RABGAP1L: variants seen among roughly 807,000 people sequenced by gnomAD.
RABGAP1L encodes rab GTPase-activating protein 1-like.
RABGAP1L carries 63 observed loss-of-function variants against 137.7 expected under a neutral mutation model. The observed-to-expected ratio is 0.46, with a 90% CI of 0.37 to 0.56. The LOEUF (loss-of-function observed/expected upper bound fraction) is 0.56. RABGAP1L is among the 20% of genes least tolerant of loss of function. The probability of loss-of-function intolerance (pLI) is 0.00; values close to 1 mark genes in which losing one functional copy is unlikely to be tolerated. For synonymous variants in RABGAP1L, 431 were observed against 433.7 expected, an observed-to-expected ratio of 0.99 and a Z score of 0.08; for missense variants, 1,095 against 1,244.0, an observed-to-expected ratio of 0.88 and a Z score of 1.80.
chr1:174,351,922 CT>C (rs1439685179), intron 11 of RABGAP1L, among the ~76,000 whole-genome samples: 1 of 152,170 alleles, frequency 6.6e-6, no homozygotes, highest in East Asian at 1.9e-4. Context: ...TTGCCTCAGC[CT>C]CCCAGGTAGC....
rs538693973 is a variant in RABGAP1L at position 174,348,456 on chromosome 1, A to AT, written c.1466-22515dup. On this transcript the variant is annotated intron_variant, in intron 11 of 25. Coordinates refer to ENST00000681986, the MANE Select transcript of RABGAP1L (RefSeq NM_001366446.1). ...CTATTTATTTTTTATTTATTTATTT[A>AT]TTTTTTTTAATTTATTTTTTTATTG... 5.4e-4 allele frequency among the ~76,000 whole-genome samples: 80 copies of AT among 148,188 alleles called. No homozygotes were observed. The East Asian group carries it at 7.2e-3, about 13-fold the overall frequency.
intron 11 of RABGAP1L, among the ~76,000 whole-genome samples, chr1:174,332,633 T>A (rs1205670211): frequency 6.6e-6 from 1 of 152,090 alleles, no homozygotes; most frequent in East Asian, 1.9e-4. Flanking sequence ...TGACCTCAAG[T>A]GATTCACCCT....
At chr1:174,688,797 A>G (rs1439729743) in intron 15 of RABGAP1L, among the ~76,000 whole-genome samples, 1 of 152,192 alleles carries the variant, frequency 6.6e-6, no homozygotes, top group Non-Finnish European at 1.5e-5. Context: ...TAAATGAATC[A>G]TATAAACATA....
chr1:174,464,989 C>G (rs1340407541), intron 13 of RABGAP1L, among the ~76,000 whole-genome samples: 3 of 151,916 alleles, frequency 2.0e-5, no homozygotes, highest in African/African-American at 7.3e-5. Flanking sequence ...AATTAATGAG[C>G]CCCAAAATCT....
At chr1:174,325,604 C>G (rs1680368517) in intron 11 of RABGAP1L, among the ~76,000 whole-genome samples, 1 of 152,148 alleles carries the variant, frequency 6.6e-6, no homozygotes, top group African/African-American at 2.4e-5. Flanking sequence ...TTCTCCTGGA[C>G]TCATGGTTTC....
At chr1:174,579,475 G>A (rs184662348) in intron 13 of RABGAP1L, among the ~76,000 whole-genome samples, 7 of 152,202 alleles carry the variant, frequency 4.6e-5, no homozygotes, top group East Asian at 1.9e-4. Flanking sequence ...GCACTTGTAC[G>A]TCCGCATCCA....
chr1:174,913,644 G>A (rs546862488), intron 19 of RABGAP1L, among the ~76,000 whole-genome samples: 14 of 152,202 alleles, frequency 9.2e-5, no homozygotes, highest in African/African-American at 2.2e-4. Flanking sequence ...TGCCATGGTC[G>A]TATTTTAAAT....
At chr1:174,387,890 T>A (rs1390196352) in intron 12 of RABGAP1L, among the ~76,000 whole-genome samples, 1 of 152,156 alleles carries the variant, frequency 6.6e-6, no homozygotes, top group Non-Finnish European at 1.5e-5. Context: ...ATTCAAATTT[T>A]TTTTATTTGG....
chr1:174,359,194 C>T (rs1346760092), intron 11 of RABGAP1L, among the ~76,000 whole-genome samples: 2 of 151,674 alleles, frequency 1.3e-5, no homozygotes, highest in Non-Finnish European at 2.9e-5. Flanking sequence ...TCATGTTCTA[C>T]TTGCAAGCCT....
chr1:174,520,795 G>A (rs1663292479), intron 13 of RABGAP1L, among the ~76,000 whole-genome samples: 2 of 152,146 alleles, frequency 1.3e-5, no homozygotes. Context: ...GAGGTCAGGA[G>A]ATTGAGACCA....
At chr1:174,628,289 C>T (rs1036452338) in intron 13 of RABGAP1L, among the ~76,000 whole-genome samples, 4 of 152,080 alleles carry the variant, frequency 2.6e-5, no homozygotes, top group African/African-American at 9.7e-5. Context: ...TGTTGTAAAT[C>T]TCTAAAGGAA....
intron 19 of RABGAP1L, among the ~76,000 whole-genome samples, chr1:174,889,128 C>CTT (rs34006510): frequency 1.2e-4 from 18 of 144,546 alleles, no homozygotes; most frequent in South Asian, 6.5e-4. Context: ...TTAATTTTAA[C>CTT]TTTTTTTTTT....
intron 13 of RABGAP1L, among the ~76,000 whole-genome samples, chr1:174,517,624 C>G (rs1662984521): frequency 6.6e-6 from 1 of 152,170 alleles, no homozygotes; most frequent in Non-Finnish European, 1.5e-5. Flanking sequence ...AAAAAATCAA[C>G]TATAGCTATT....
intron 13 of RABGAP1L, among the ~76,000 whole-genome samples, chr1:174,555,516 C>A (rs1666815848): frequency 6.6e-6 from 1 of 150,948 alleles, no homozygotes; most frequent in Non-Finnish European, 1.5e-5. Flanking sequence ...TATTATGTAA[C>A]AAGAAAAATG....
intron 19 of RABGAP1L, among the ~76,000 whole-genome samples, chr1:174,900,518 G>A (rs917645792): frequency 1.3e-5 from 2 of 152,156 alleles, no homozygotes; most frequent in African/African-American, 4.8e-5. Flanking sequence ...GGATGAAGTG[G>A]AGTTGCAAAG....
intron 19 of RABGAP1L, among the ~76,000 whole-genome samples, chr1:174,910,104 A>T (rs1659816489): frequency 6.6e-6 from 1 of 152,158 alleles, no homozygotes; most frequent in African/African-American, 2.4e-5. Context: ...TCGCGACTGC[A>T]CTCCAACCTG....
At chr1:174,612,501 A>G (rs551993415) in intron 13 of RABGAP1L, among the ~76,000 whole-genome samples, 1 of 152,324 alleles carries the variant, frequency 6.6e-6, no homozygotes, top group Admixed American at 6.5e-5. Flanking sequence ...CACCAAGGAT[A>G]TTGGTCTAAA....
intron 17 of RABGAP1L, among the ~76,000 whole-genome samples, chr1:174,726,640 T>TAAC (rs939642565): frequency 5.3e-5 from 8 of 152,184 alleles, no homozygotes; most frequent in Non-Finnish European, 1.2e-4. Flanking sequence ...AGTCATTTTC[T>TAAC]AAGAGATAGA....
At chr1:174,189,259 C>T (rs1009934701) in intron 1 of RABGAP1L, among the ~76,000 whole-genome samples, 3 of 152,132 alleles carry the variant, frequency 2.0e-5, no homozygotes, top group Non-Finnish European at 4.4e-5. Context: ...CCCACCTCTG[C>T]CTCCCAAAGC....
Sources: gnomAD v4.1 joint callset for allele counts (sites outside exome capture counted in the v4.1 genomes callset) on GRCh38, gnomAD v4.1.1 for gene constraint, MANE v1.5 for transcripts, NCBI Gene and HGNC (gene_info 2026-07-23, HGNC 2026-07-21) for gene names.